CAD: variants seen among roughly 807,000 people sequenced by gnomAD.
CAD encodes the protein carbamoyl-phosphate synthetase 2, aspartate transcarbamylase, and dihydroorotase, also known as multifunctional protein CAD.
In CAD, 81 loss-of-function variants were observed where a neutral mutation model predicts 237.2. The ratio of observed to expected loss-of-function variants is 0.34; its 90% CI spans 0.29 to 0.41. CAD has a LOEUF of 0.41. CAD is among the 10% of genes least tolerant of loss of function. The probability of loss-of-function intolerance (pLI) is 1.00; values close to 1 mark genes in which losing one functional copy is unlikely to be tolerated. For synonymous variants in CAD, 1,196 were observed against 1,162.8 expected, an observed-to-expected ratio of 1.03 and a Z score of -0.58; for missense variants, 2,181 against 2,951.7, an observed-to-expected ratio of 0.74 and a Z score of 6.05.
intron 9 of CAD, 67 bp from the exon 10 acceptor site, chr2:27,224,677 GC>G: frequency 2.5e-6 from 4 of 1,576,976 alleles, no homozygotes; most frequent in Non-Finnish European, 3.5e-6. Flanking sequence ...AGAGGAGAAT[GC>G]TACTCTAAGG....
rs1286557374 is a variant in CAD, at chr2:27,231,488, C to T, written c.2308C>T (p.Arg770Cys). ...KSVGEVMGIGRSFEEAFQKAL... is the reference protein window; with the variant it reads ...KSVGEVMGIGCSFEEAFQKAL... ...TCCAGGTGAAGTCATGGGCATTGGGCGTTCATTTGAGGAGGCCTTCCAGAA... is the reference window on the plus strand; with the variant it reads ...TCCAGGTGAAGTCATGGGCATTGGGTGTTCATTTGAGGAGGCCTTCCAGAA... The change falls in exon 16 of 44, where the codon CGT becomes TGT. Residue 770 changes from arginine to cysteine, a missense_variant. By Grantham distance (180) the Arg-to-Cys change is radical (BLOSUM62 -3). Coordinates refer to ENST00000264705, the MANE Select transcript of CAD (RefSeq NM_004341.5). 4 of 1,609,080 alleles carry T rather than the reference C, an allele frequency of 2.5e-6. No homozygotes were observed. Among genetic ancestry groups the T allele is most frequent in the African/African-American group, 1.3e-5 (1 of 74,912 alleles).
rs1443214205 is a variant in CAD, at chr2:27,226,755, A to G, written c.2157-77A>G. 5 of 1,602,546 alleles carry G rather than the reference A, an allele frequency of 3.1e-6. No homozygotes were observed. The Admixed American group carries it at 6.7e-5, about 22-fold the overall frequency. On this transcript the variant is annotated intron_variant, in intron 14 of 43. Transcript: ENST00000264705. ...AGGACATTGGCCTGGATTTGTGGGA[A>G]TGGAAAGAGCTATCCGGAAGCTCAC...
At chr2:27,227,675 AAG>A (rs2148068863) in intron 15 of CAD, 1 of 152,346 alleles carries the variant, frequency 6.6e-6, no homozygotes, top group African/African-American at 2.4e-5. Context: ...TTGTGGCAAA[AAG>A]AAGTGGATTG....
chr2:27,239,956 C>T lies in CAD; in HGVS notation c.5496+158C>T, dbSNP rs1393277387. ...TCAATTATTTTTTTAAAATGCTGGG[C>T]CAGGCCAGATGTGGTGGCTCACACT... is the stretch of plus-strand genomic sequence containing the variant. On this transcript the variant is annotated intron_variant, in intron 34 of 43. Transcript: ENST00000264705. The surrounding 1 kb of genome is among the most constrained non-coding windows in gnomAD (Gnocchi z 4.0). The T allele has an allele frequency of 9.7e-6, 6 of 617,532 alleles. No homozygotes were observed. In the East Asian group the frequency reaches 1.8e-4, roughly 18 times the overall value. 38.3% of individuals were successfully genotyped at this position (617,532 alleles called of 1,614,324 possible). A position where few individuals can be genotyped will look rare whatever the true frequency, so the allele number is the denominator to read the frequency against.
rs1343962351 is a variant in CAD at position 27,237,042 on chromosome 2, G to T, written c.4396+212G>T. 3.9e-5 allele frequency among the ~76,000 whole-genome samples: 5 copies of T among 129,590 alleles called. No individual in the cohort carries two copies. Among genetic ancestry groups the T allele is most frequent in the Non-Finnish European group, 4.7e-5 (3 of 63,694 alleles). 85.0% of individuals were successfully genotyped at this position (129,590 alleles called of 152,430 possible). A position where few individuals can be genotyped will look rare whatever the true frequency, so the allele number is the denominator to read the frequency against. On this transcript the variant is annotated intron_variant, in intron 27 of 43. Coordinates refer to ENST00000264705, the MANE Select transcript of CAD (RefSeq NM_004341.5). The surrounding 1 kb of genome is among the most constrained non-coding windows in gnomAD (Gnocchi z 4.0). The stretch of plus-strand genomic sequence containing the variant: ...ATTTTTTTTTTTTTTTTTTTTTTGA[G>T]ACAGAGTCTTACTCCATCGCCCAGG...
intron 11 of CAD, 137 bp downstream of exon 11, chr2:27,225,380 C>T (rs777693119): frequency 2.0e-6 from 1 of 496,586 alleles, no homozygotes; most frequent in Non-Finnish European, 3.5e-6. Flanking sequence ...GATCTCGGCT[C>T]ATCATAACCT....
rs72858438 is a variant in CAD at position 27,239,727 on chromosome 2, G to T, written c.5425G>T (p.Val1809Leu). ...GGTACCCCCGGGCTATGGACAGGAT[G>T]TACGGAAGTGGCCACAGGGGGCTGT... ...VLVPPGYGQD[V>L]RKWPQGAVPQ... is the part of the protein sequence containing the mutation. The change falls in exon 34 of 44, where the codon GTA becomes TTA. Residue 1809 changes from valine to leucine, a missense_variant. This residue lies in a region of CAD where 478 missense variants were observed against 515.0 expected (regional missense o/e 0.93). Coordinates refer to ENST00000264705, the MANE Select transcript of CAD (RefSeq NM_004341.5). This position sits in a 1 kb window ranked among gnomAD's most constrained non-coding sequence, Gnocchi z 4.0. 6 of 1,594,510 alleles carry T rather than the reference G, an allele frequency of 3.8e-6. No homozygotes were observed. The highest frequency in any genetic ancestry group is 5.1e-6 in the Non-Finnish European group (6 of 1,170,048).
chr2:27,235,666 C>G lies in CAD; in HGVS notation c.4074+26C>G. 1.3e-6 allele frequency: 2 copies of G among 1,585,606 alleles called. No individual in the cohort carries two copies. Among genetic ancestry groups the G allele is most frequent in the Non-Finnish European group, 1.7e-6 (2 of 1,154,468 alleles). ...GTGCAGGAACTCTGGCAACCTACCC[C>G]ACTGCTGCCCTTCCCCAAGGGGGTG... On this transcript the variant is annotated intron_variant, in intron 25 of 43. Coordinates refer to ENST00000264705, the MANE Select transcript of CAD (RefSeq NM_004341.5). The surrounding 1 kb of genome is among the most constrained non-coding windows in gnomAD (Gnocchi z 5.2).
At position 27,235,859 on chromosome 2, in the gene CAD, G is replaced by T; in HGVS notation, c.4074+219G>T. Reference sequence around the variant, plus strand: ...CCACTGCACTCCAGCTTGGGAAACAGTGAGATGCTGTCTCAAAAAAAAAAA... The same window carrying T: ...CCACTGCACTCCAGCTTGGGAAACATTGAGATGCTGTCTCAAAAAAAAAAA... On this transcript the variant is annotated intron_variant, in intron 25 of 43. Transcript: ENST00000264705. The surrounding 1 kb of genome is among the most constrained non-coding windows in gnomAD (Gnocchi z 5.2). The T allele has an allele frequency of 2.1e-6, 1 of 482,572 alleles. No homozygotes were observed. The highest frequency in any genetic ancestry group is 3.6e-6 in the Non-Finnish European group (1 of 273,976). 29.9% of individuals were successfully genotyped at this position (482,572 alleles called of 1,614,324 possible). A position where few individuals can be genotyped will look rare whatever the true frequency, so the allele number is the denominator to read the frequency against.
intron 23 of CAD, 82 bp downstream of exon 23, chr2:27,234,767 A>C (rs1175739232): frequency 1.9e-5 from 25 of 1,346,514 alleles, no homozygotes; most frequent in African/African-American, 4.3e-5. Context: ...TCAGTATGTA[A>C]ACCAGGCACT....
Position 27,237,692 on chromosome 2 carries a change from G to A in CAD, c.4564-26G>A. ...CCTGTGTGGGCATGGGTGCCAGTGA[G>A]CCTTACCTCTGTGTATCCTCTCCAG... On this transcript the variant is annotated intron_variant, in intron 28 of 43. Transcript: ENST00000264705. This position sits in a 1 kb window ranked among gnomAD's most constrained non-coding sequence, Gnocchi z 4.0. 2 of 1,603,718 alleles carry A rather than the reference G, an allele frequency of 1.2e-6. No individual in the cohort carries two copies. The highest frequency in any genetic ancestry group is 1.7e-6 in the Non-Finnish European group (2 of 1,174,212).
chr2:27,218,177 GGTT>G (rs1558524744), intron 2 of CAD, among the ~76,000 whole-genome samples, 161 bp downstream of exon 2: 1 of 152,228 alleles, frequency 6.6e-6, no homozygotes, highest in South Asian at 2.1e-4. Context: ...TGTAGTTAGG[GGTT>G]GTTAAGTGCC....
At position 27,241,504 on chromosome 2, in the gene CAD, G is replaced by A. The variant is rs980741673; in HGVS notation, c.5883+108G>A. The A allele has an allele frequency of 4.5e-5, 46 of 1,019,492 alleles. No individual in the cohort carries two copies. The highest frequency in any genetic ancestry group is 3.2e-5 in the African/African-American group (2 of 63,388). The allele number at this position is 1,019,492 out of a possible 1,614,324, so 63.2% of individuals were successfully genotyped here. ...TGGGTCTTCCTCCCCCTGCCATCCC[G>A]TCCCCTTATGCTAGTCCATCCCTCT... On this transcript the variant is annotated intron_variant, in intron 38 of 43. Coordinates refer to ENST00000264705, the MANE Select transcript of CAD (RefSeq NM_004341.5). The surrounding 1 kb of genome is among the most constrained non-coding windows in gnomAD (Gnocchi z 4.6).
Position 27,221,344 on chromosome 2 carries a change from C to T in CAD, c.349C>T (p.Gln117Ter). 6.4e-7 allele frequency: 1 copy of T among 1,570,090 alleles called. No homozygotes were observed. Among genetic ancestry groups the T allele is most frequent in the Non-Finnish European group, 8.6e-7 (1 of 1,160,324 alleles). The change falls in exon 3 of 44, where the codon CAA becomes TAA. Residue 117 changes from glutamine (Q) to a stop codon, truncating the protein, a stop_gained. Transcript: ENST00000264705. LOFTEE classifies it high-confidence loss of function. ...GCAGCAGCATGGCATCCCTGGCTTG[C>T]AAGGTATGGTGGCAAGCAGGGGCAT... Reference protein sequence around the residue: ...WLQQHGIPGLQGVDTRELTKK... With the variant: ...WLQQHGIPGL
chr2:27,217,922 C>G lies in CAD; in HGVS notation c.128C>G (p.Pro43Arg). 6.2e-7 allele frequency: 1 copy of G among 1,612,324 alleles called. No individual in the cohort carries two copies. The highest frequency in any genetic ancestry group is 8.5e-7 in the Non-Finnish European group (1 of 1,179,130). Residue 43 changes from proline (P) to arginine (R), a missense_variant, in exon 2 of 44, where the codon CCC becomes CGC. This residue lies in a region of CAD where 314 missense variants were observed against 339.4 expected (regional missense o/e 0.93). Transcript: ENST00000264705. ...MVGYPEALTD[P>R]SYKAQILVLT... ...GGCTACCCCGAGGCCCTCACTGATC[C>G]CTCCTACAAGGCACAGATCTTAGTG...
chr2:27,237,488 C>G lies in CAD; in HGVS notation c.4506C>G (p.Ala1502=), dbSNP rs750736172. 1.2e-6 allele frequency: 2 copies of G among 1,614,206 alleles called. No individual in the cohort carries two copies. Among genetic ancestry groups the G allele is most frequent in the East Asian group, 2.2e-5 (1 of 44,890 alleles). Residue 1502 remains alanine (A), a synonymous_variant, in exon 28 of 44, where the codon GCC becomes GCG. Coordinates refer to ENST00000264705, the MANE Select transcript of CAD (RefSeq NM_004341.5). The surrounding 1 kb of genome is among the most constrained non-coding windows in gnomAD (Gnocchi z 4.0). ...ALAGGITMVC[A]MPNTRPPIID... is the part of the protein sequence containing the mutation. ...CTGGGGGTATCACCATGGTGTGTGCCATGCCTAATACCCGGCCCCCCATCA... is the reference window on the plus strand; with the variant it reads ...CTGGGGGTATCACCATGGTGTGTGCGATGCCTAATACCCGGCCCCCCATCA...
chr2:27,242,264 C>A lies in CAD; in HGVS notation c.6097-38C>A. 1.3e-6 allele frequency: 2 copies of A among 1,592,466 alleles called. No homozygotes were observed. Among genetic ancestry groups the A allele is most frequent in the Middle Eastern group, 1.7e-4 (1 of 5,900 alleles). ...AGGGGGACTGGCAGTTGGGGGGCCTCTGAGCTGCAAAAGACAGGATTTTCC... is the reference window on the plus strand; with the variant it reads ...AGGGGGACTGGCAGTTGGGGGGCCTATGAGCTGCAAAAGACAGGATTTTCC... On this transcript the variant is annotated intron_variant, in intron 39 of 43. Transcript: ENST00000264705. The surrounding 1 kb of genome is among the most constrained non-coding windows in gnomAD (Gnocchi z 6.4).
In CAD at chr2:27,233,562, C is replaced by T. The variant is rs756404773; in HGVS notation, c.3216+26C>T. 5.0e-6 allele frequency: 8 copies of T among 1,613,662 alleles called. No homozygotes were observed. The highest frequency in any genetic ancestry group is 2.2e-5 in the South Asian group (2 of 91,072). ...GTGGGCTGGGACCTGGTGGGTTACCCGGAGGCTGGATGATGCTTGGGGGAA... is the reference window on the plus strand; with the variant it reads ...GTGGGCTGGGACCTGGTGGGTTACCTGGAGGCTGGATGATGCTTGGGGGAA... On this transcript the variant is annotated intron_variant, in intron 20 of 43. Transcript: ENST00000264705. The surrounding 1 kb of genome is among the most constrained non-coding windows in gnomAD (Gnocchi z 6.3).
chr2:27,223,878 G>A (rs41288817), intron 7 of CAD, 39 bp from the exon 8 acceptor site: 17,751 of 1,559,388 alleles, frequency 0.011, 131 homozygotes, highest in Non-Finnish European at 0.014. Flanking sequence ...TGTCATGCCA[G>A]GGACCATGAT....
Sources: allele counts gnomAD v4.1 joint callset (sites outside exome capture counted in the v4.1 genomes callset), GRCh38; gene constraint gnomAD v4.1.1; regional missense constraint gnomAD v4.1.1; non-coding constraint Gnocchi (gnomAD v3.1); transcripts MANE v1.5; gene names NCBI Gene and HGNC (gene_info 2026-07-23, HGNC 2026-07-21).